SNRPG: variants seen among roughly 807,000 people sequenced by gnomAD.
SNRPG encodes the protein small nuclear ribonucleoprotein polypeptide G.
A neutral mutation model predicts 13.9 loss-of-function variants in SNRPG; 3 were observed. That is an observed-to-expected ratio of 0.22 (90% CI 0.10 to 0.56). The LOEUF (loss-of-function observed/expected upper bound fraction) is 0.56, where lower values mean the gene tolerates loss of function less well. SNRPG is among the 20% of genes least tolerant of loss of function. SNRPG has a pLI of 0.93. For missense variants in SNRPG, 34 were observed against 96.1 expected (o/e 0.35, Z 2.70); for synonymous variants, 29 against 29.3 (o/e 0.99, Z 0.03).
chr2:70,292,323 G>A (rs987246703), intron 1 of SNRPG, among the ~76,000 whole-genome samples: 4 of 151,986 alleles, frequency 2.6e-5, no homozygotes, highest in African/African-American at 9.7e-5. Flanking sequence ...AGATGGCTTT[G>A]ATACAAATGG....
chr2:70,293,464 A>C (rs908062850), intron 1 of SNRPG, 154 bp downstream of exon 1: 2 of 768,958 alleles, frequency 2.6e-6, no homozygotes, highest in Non-Finnish European at 2.3e-6. Context: ...TTCACGTCTC[A>C]TGCGCGGGAG....
At chr2:70,287,876 T>C (rs982018876) in intron 3 of SNRPG, 192 bp downstream of exon 3, 5 of 602,324 alleles carry the variant, frequency 8.3e-6, no homozygotes, top group Non-Finnish European at 1.5e-5. Flanking sequence ...AGGTTCTGTA[T>C]AGTTGAGATC....
At chr2:70,288,875 T>G (rs1476731808) in intron 2 of SNRPG, among the ~76,000 whole-genome samples, 1 of 150,314 alleles carries the variant, frequency 6.7e-6, no homozygotes, top group Admixed American at 6.7e-5. Flanking sequence ...TTATCAGAAA[T>G]TAGGTAAATA....
Position 70,289,349 on chromosome 2 carries a change from C to T in SNRPG, c.55+1G>A. 1 of 1,433,708 alleles carries T rather than the reference C, an allele frequency of 7.0e-7. No individual in the cohort carries two copies. Among genetic ancestry groups the T allele is most frequent in the South Asian group, 1.2e-5 (1 of 82,382 alleles). 88.8% of individuals were successfully genotyped at this position (1,433,708 alleles called of 1,614,324 possible). A position where few individuals can be genotyped will look rare whatever the true frequency, so the allele number is the denominator to read the frequency against. ...AAACCCCAAAACAACAACAAACTTA[C>T]ATGATAACTTCTTGTCCATAAATCT... On this transcript the variant is annotated splice_donor_variant, in intron 2 of 3. Coordinates refer to ENST00000272348, the MANE Select transcript of SNRPG (RefSeq NM_003096.4). LOFTEE classifies it high-confidence loss of function.
In SNRPG at chr2:70,285,992, T is replaced by C. The variant is rs111944614; in HGVS notation, c.180+2076A>G. ...ACAGGATCTCGCTTTGTCACAAAGA[T>C]TGGAGTGCAGTAGTGTGATCTCAGC... On this transcript the variant is annotated intron_variant, in intron 3 of 3. Coordinates refer to ENST00000272348, the MANE Select transcript of SNRPG (RefSeq NM_003096.4). 4.6e-3 allele frequency among the ~76,000 whole-genome samples: 708 copies of C among 152,282 alleles called. 4 individuals are homozygous for C. Among genetic ancestry groups the C allele is most frequent in the African/African-American group, 0.016 (670 of 41,568 alleles).
In SNRPG at chr2:70,281,493, C is replaced by G; in HGVS notation, c.*141G>C. 1 of 468,418 alleles carries G rather than the reference C, an allele frequency of 2.1e-6. No individual in the cohort carries two copies. The highest frequency in any genetic ancestry group is 3.9e-6 in the Non-Finnish European group (1 of 257,886). 29.0% of individuals were successfully genotyped at this position (468,418 alleles called of 1,614,324 possible). ...AGCTGATATTCTATATTCAGAACAT[C>G]TGAGAAAGCATTTTTGACTATTACA... On this transcript the variant is annotated 3_prime_UTR_variant, in exon 4 of 4. Transcript: ENST00000272348.
intron 3 of SNRPG, chr2:70,287,382 C>G: frequency 2.9e-6 from 2 of 695,332 alleles, no homozygotes; most frequent in Non-Finnish European, 5.2e-6. Context: ...CTGTGTTAGA[C>G]AAAGAGGGAC....
intron 3 of SNRPG, among the ~76,000 whole-genome samples, chr2:70,284,798 A>ACATAT (rs1295402690): frequency 2.0e-5 from 3 of 152,202 alleles, no homozygotes; most frequent in Non-Finnish European, 2.9e-5. Context: ...TGCTAAATTT[A>ACATAT]CATATTTGTC....
intron 3 of SNRPG, among the ~76,000 whole-genome samples, chr2:70,282,104 C>T (rs531810828): frequency 8.6e-5 from 13 of 152,010 alleles, no homozygotes; most frequent in Non-Finnish European, 1.9e-4. Context: ...TTGGTAGAGA[C>T]GGGGTTTCAC....
chr2:70,283,125 C>CA (rs1176330727), intron 3 of SNRPG, among the ~76,000 whole-genome samples: 2 of 53,232 alleles, frequency 3.8e-5, no homozygotes, highest in African/African-American at 1.3e-4. Flanking sequence ...AAAAAAAAAA[C>CA]AACAAACCAA....
intron 3 of SNRPG, among the ~76,000 whole-genome samples, chr2:70,286,702 A>G (rs1008406425): frequency 6.6e-6 from 1 of 152,184 alleles, no homozygotes; most frequent in Non-Finnish European, 1.5e-5. Context: ...AAATTGCCAG[A>G]GGGATGCTCT....
intron 3 of SNRPG, among the ~76,000 whole-genome samples, chr2:70,284,549 A>C (rs751191354): frequency 2.0e-5 from 3 of 151,978 alleles, no homozygotes; most frequent in Non-Finnish European, 2.9e-5. Flanking sequence ...AAGCTGGGCT[A>C]ATTTTAAAAT....
At chr2:70,283,785 A>G (rs75924008) in intron 3 of SNRPG, among the ~76,000 whole-genome samples, 10,657 of 152,288 alleles carry the variant, frequency 0.07, 1,162 homozygotes, top group African/African-American at 0.23. Context: ...ATGGCTGGGC[A>G]TGGTGGCTCA....
chr2:70,288,012 T>C (rs1052867764), intron 3 of SNRPG, 56 bp downstream of exon 3: 3 of 1,557,854 alleles, frequency 1.9e-6, no homozygotes, highest in Non-Finnish European at 1.8e-6. Context: ...GGAAAGTTAA[T>C]ACACATTCCA....
intron 3 of SNRPG, among the ~76,000 whole-genome samples, chr2:70,282,695 C>T (rs376690970): frequency 4.6e-5 from 7 of 152,120 alleles, no homozygotes; most frequent in Admixed American, 2.6e-4. Context: ...TATATAAATA[C>T]GCCGAAGTTT....
intron 1 of SNRPG, among the ~76,000 whole-genome samples, chr2:70,290,467 C>G (rs1697055996): frequency 6.6e-6 from 1 of 151,164 alleles, no homozygotes; most frequent in South Asian, 2.1e-4. Context: ...GCAGTCAAAT[C>G]AGTTTTTAAT....
intron 1 of SNRPG, among the ~76,000 whole-genome samples, chr2:70,291,687 A>C (rs1697101447): frequency 6.6e-6 from 1 of 152,220 alleles, no homozygotes; most frequent in South Asian, 2.1e-4. Context: ...TTTTGGCGGC[A>C]GATCTGACCG....
At chr2:70,293,162 T>G (rs1166767180) in intron 1 of SNRPG, 8 of 702,430 alleles carry the variant, frequency 1.1e-5, no homozygotes, top group South Asian at 3.0e-5. Flanking sequence ...CAAACACATT[T>G]GCTAAGACTA....
chr2:70,288,315 T>C (rs1696993458), intron 2 of SNRPG, 123 bp from the exon 3 acceptor site: 4 of 731,926 alleles, frequency 5.5e-6, no homozygotes, highest in Admixed American at 2.3e-5. Context: ...CCTTACTGTA[T>C]GACAAGAACT....
Sources: gnomAD v4.1 joint callset for allele counts (sites outside exome capture counted in the v4.1 genomes callset) on GRCh38, gnomAD v4.1.1 for gene constraint, MANE v1.5 for transcripts, NCBI Gene and HGNC (gene_info 2026-07-23, HGNC 2026-07-21) for gene names.